Variants in RP1 observed in about 807,000 individuals in gnomAD.
The protein encoded by RP1 is oxygen-regulated protein 1.
RP1 carries 16 observed loss-of-function variants against 14.8 expected under a neutral mutation model. That is an observed-to-expected ratio of 1.08 (90% CI 0.73 to 1.65). The LOEUF (loss-of-function observed/expected upper bound fraction) is 1.65. RP1 is among the 40% of genes most tolerant of loss of function. RP1 has a pLI of 0.00. For missense variants in RP1, 2,631 were observed against 2,535.0 expected (o/e 1.04, Z -0.81); for synonymous variants, 876 against 883.6 (o/e 0.99, Z 0.15).
At chr8:54,777,297 C>T (rs1810067848) in intron 23 of RP1, among the ~76,000 whole-genome samples, 1 of 152,216 alleles carries the variant, frequency 6.6e-6, no homozygotes, top group Non-Finnish European at 1.5e-5. Context: ...ACAGCAAGCA[C>T]TTCCCACCCG....
chr8:54,667,556 A>T (rs183676491), intron 7 of RP1, among the ~76,000 whole-genome samples: 1 of 152,224 alleles, frequency 6.6e-6, no homozygotes. Context: ...GAAGCTCCTG[A>T]CTGTGCAGTG....
intron 1 of RP1, among the ~76,000 whole-genome samples, chr8:54,581,920 A>G (rs1804801348): frequency 6.6e-6 from 1 of 152,210 alleles, no homozygotes; most frequent in Admixed American, 6.5e-5. Flanking sequence ...TCAGATGAGT[A>G]GATTGCAAAA....
Position 54,628,537 on chromosome 8 carries a change from C to A in RP1, c.4655C>A (p.Thr1552Asn), listed in dbSNP as rs780366175. Residue 1552 changes from threonine (T) to asparagine (N), a missense_variant, in exon 4 of 4, where the codon ACC becomes AAC. Thr to Asn is a moderately conservative substitution (Grantham distance 65, BLOSUM62 0). Transcript: ENST00000220676. ...TCTAAGCAAAATAGTGAAAAGGAGACCAATGAAGGAGAAACTAAGATGGTA... is the reference window on the plus strand; with the variant it reads ...TCTAAGCAAAATAGTGAAAAGGAGAACAATGAAGGAGAAACTAAGATGGTA... ...YDSKQNSEKE[T>N]NEGETKMVKM... The A allele has an allele frequency of 6.2e-7, 1 of 1,613,668 alleles. No homozygotes were observed. The highest frequency in any genetic ancestry group is 8.5e-7 in the Non-Finnish European group (1 of 1,179,898).
rs774937600 is a variant in RP1 at position 54,627,828 on chromosome 8, G to T, written c.3946G>T (p.Ala1316Ser). 7.3e-5 allele frequency: 118 copies of T among 1,614,010 alleles called. 2 individuals are homozygous for T. In the South Asian group the frequency reaches 1.2e-3, roughly 17 times the overall value. Residue 1316 changes from alanine (A) to serine (S), a missense_variant, in exon 4 of 4, where the codon GCT becomes TCT. Physicochemically the swap from Ala to Ser is moderately conservative, Grantham distance 99. Transcript: ENST00000220676. ...TDTVFSDKAC[A>S]QKENHTYEGA... ...TACTGTGTTTTCTGATAAGGCTTGT[G>T]CTCAAAAGGAGAACCATACCTATGA... is the stretch of plus-strand genomic sequence containing the variant.
chr8:54,828,588 G>T (rs1473432683), intron 24 of RP1, among the ~76,000 whole-genome samples: 1 of 152,210 alleles, frequency 6.6e-6, no homozygotes, highest in South Asian at 2.1e-4. Context: ...TGCAGAACAG[G>T]AGCCAAATAA....
At chr8:54,648,521 A>G (rs1806592159) in intron 3 of RP1, among the ~76,000 whole-genome samples, 1 of 152,272 alleles carries the variant, frequency 6.6e-6, no homozygotes, top group Non-Finnish European at 1.5e-5. Context: ...TACTCACCCA[A>G]TTCCAGTTTA....
chr8:54,629,422 T>G lies in RP1; in HGVS notation c.5540T>G (p.Ile1847Arg). ...AATGAAACCTGTGCCAAGGAAAGAA[T>G]AGCAAATCATCATACAGAGGAGAAG... ...VRNETCAKER[I>R]ANHHTEEKGS... The change falls in exon 4 of 4, where the codon ATA becomes AGA. Residue 1847 changes from isoleucine to arginine, a missense_variant. Physicochemically the swap from Ile to Arg is moderately conservative, Grantham distance 97 (BLOSUM62 -3). Coordinates refer to ENST00000220676, the MANE Select transcript of RP1 (RefSeq NM_006269.2). 1 of 1,614,100 alleles carries G rather than the reference T, an allele frequency of 6.2e-7. No homozygotes were observed. Among genetic ancestry groups the G allele is most frequent in the Non-Finnish European group, 8.5e-7 (1 of 1,179,978 alleles).
intron 24 of RP1, among the ~76,000 whole-genome samples, chr8:54,831,556 T>C (rs1018436519): frequency 3.3e-5 from 5 of 151,778 alleles, no homozygotes; most frequent in African/African-American, 1.2e-4. Flanking sequence ...TAATATCCCT[T>C]CAACCCCTTA....
At chr8:54,755,552 G>A in intron 20 of RP1, 1 of 1,456,996 alleles carries the variant, frequency 6.9e-7, no homozygotes, top group Non-Finnish European at 9.3e-7. Context: ...TATGGATCTG[G>A]GTTCTGTTTG....
chr8:54,649,200 G>A (rs781059156), intron 4 of RP1: 6 of 1,327,782 alleles, frequency 4.5e-6, no homozygotes, highest in Non-Finnish European at 5.8e-6. Flanking sequence ...ACACCTAGTA[G>A]GTACTTTGGA....
chr8:54,803,868 G>T (rs913814273), intron 24 of RP1, among the ~76,000 whole-genome samples: 1 of 152,102 alleles, frequency 6.6e-6, no homozygotes, highest in Non-Finnish European at 1.5e-5. Context: ...AGGAGTTTAA[G>T]ACTAGCCTGA....
At chr8:54,818,512 G>A (rs1319566815) in intron 24 of RP1, among the ~76,000 whole-genome samples, 4 of 152,130 alleles carry the variant, frequency 2.6e-5, no homozygotes, top group Admixed American at 6.5e-5. Flanking sequence ...GAAAAGTTTT[G>A]ACATAGAAAA....
intron 24 of RP1, among the ~76,000 whole-genome samples, chr8:54,804,803 CTT>C (rs1412004113): frequency 6.6e-6 from 1 of 152,138 alleles, no homozygotes; most frequent in Non-Finnish European, 1.5e-5. Flanking sequence ...ATATATGACT[CTT>C]AATTCAGGAC....
intron 24 of RP1, among the ~76,000 whole-genome samples, chr8:54,828,844 C>CTTCTTCTTCTTCTTCTTTCTTCT (rs1332781847): frequency 1.2e-5 from 1 of 80,934 alleles, no homozygotes; most frequent in Admixed American, 1.1e-4. Flanking sequence ...CCATTATAAT[C>CTTCTTCTTCTTCTTCTTTCTTCT]TTCTTCTTCT....
At chr8:54,850,182 A>G in intron 25 of RP1, among the ~76,000 whole-genome samples, 1 of 152,192 alleles carries the variant, frequency 6.6e-6, no homozygotes, top group East Asian at 1.9e-4. Flanking sequence ...TGACAGTGAT[A>G]GATGCAGTAA....
intron 1 of RP1, chr8:54,561,770 G>A (rs978625823): frequency 2.6e-5 from 4 of 152,180 alleles, no homozygotes; most frequent in African/African-American, 7.2e-5. Flanking sequence ...AAGCATTATT[G>A]CTGGAACATT....
At position 54,576,813 on chromosome 8, in the gene RP1, C is replaced by T. The variant is rs115379769; in HGVS notation, c.-13+17493C>T. On this transcript the variant is annotated intron_variant, in intron 1 of 22. Coordinates refer to the RP1 transcript ENST00000636932. ...GTTTTCTAGATAAGACTTCCTACAA[C>T]ACTGGCCAACCAGAATATGTTGGTT... 3.3e-3 allele frequency among the ~76,000 whole-genome samples: 500 copies of T among 152,234 alleles called. 2 individuals carry two copies. Among genetic ancestry groups the T allele is most frequent in the African/African-American group, 0.012 (483 of 41,544 alleles).
At chr8:54,603,278 C>G (rs1360944722) in intron 1 of RP1, among the ~76,000 whole-genome samples, 1 of 151,798 alleles carries the variant, frequency 6.6e-6, no homozygotes, top group Non-Finnish European at 1.5e-5. Context: ...TTCCCAGCAC[C>G]ATTTATTAAA....
chr8:54,776,526 T>G (rs1184751232), intron 23 of RP1, among the ~76,000 whole-genome samples: 3 of 152,212 alleles, frequency 2.0e-5, no homozygotes, highest in Non-Finnish European at 4.4e-5. Context: ...CTTTGGATTT[T>G]GATATGAGGG....
Sources: gnomAD v4.1 joint callset for allele counts (sites outside exome capture counted in the v4.1 genomes callset) on GRCh38, gnomAD v4.1.1 for gene constraint, MANE v1.5 for transcripts, NCBI Gene and HGNC (gene_info 2026-07-23, HGNC 2026-07-21) for gene names.